Variants in CA10 observed in about 807,000 individuals in gnomAD.
The protein encoded by CA10 is carbonic anhydrase 10 (inactive), also known as carbonic anhydrase-related protein 10.
Under a neutral mutation model 44.2 loss-of-function variants are expected in CA10, and 14 were observed. The observed-to-expected ratio is 0.32, with a 90% CI of 0.21 to 0.50. CA10 has a LOEUF of 0.50. CA10 is among the 20% of genes least tolerant of loss of function. CA10 has a pLI of 0.99. For missense variants in CA10, 350 were observed against 409.7 expected (o/e 0.85, Z 1.26); for synonymous variants, 159 against 141.6 (o/e 1.12, Z -0.87).
chr17:51,864,916 T>C (rs1209835387), intron 3 of CA10, among the ~76,000 whole-genome samples: 5 of 152,260 alleles, frequency 3.3e-5, no homozygotes, highest in African/African-American at 1.2e-4. Flanking sequence ...AGGAGTGCAG[T>C]TTGGTTCAAC....
intron 4 of CA10, among the ~76,000 whole-genome samples, chr17:51,721,776 G>A (rs1283348024): frequency 6.6e-6 from 1 of 152,136 alleles, no homozygotes; most frequent in Non-Finnish European, 1.5e-5. Flanking sequence ...TGCTGAGACG[G>A]TGGTGCACCC....
rs202027420 is a variant in CA10 at position 51,674,268 on chromosome 17, G to T, written c.466-20532C>A. Among the ~76,000 whole-genome samples the T allele has an allele frequency of 1.1e-4, 17 of 152,282 alleles. No homozygotes were observed. In the East Asian group the frequency reaches 2.9e-3, roughly 26 times the overall value. ...CTTTGTTGATATAGATGATTTTTCT[G>T]AATTGATCCAACTGATTCCTTTCAC... On this transcript the variant is annotated intron_variant, in intron 4 of 8. Transcript: ENST00000451037.
chr17:51,886,292 TC>T (rs1296086053), intron 3 of CA10, among the ~76,000 whole-genome samples: 4 of 152,178 alleles, frequency 2.6e-5, no homozygotes, highest in African/African-American at 9.7e-5. Flanking sequence ...TATAAAAACT[TC>T]CTGGAGTAAC....
At chr17:51,898,719 A>G (rs1279287826) in intron 3 of CA10, among the ~76,000 whole-genome samples, 1 of 151,994 alleles carries the variant, frequency 6.6e-6, no homozygotes, top group Non-Finnish European at 1.5e-5. Context: ...TATTGATTCA[A>G]TTTCAGAACT....
At chr17:52,072,471 G>T (rs1018508952) in intron 1 of CA10, 78 bp from the exon 2 acceptor site, 11 of 1,012,974 alleles carry the variant, frequency 1.1e-5, no homozygotes, top group Middle Eastern at 2.1e-4. Context: ...TAAGAAGGGT[G>T]AATATCCATA....
chr17:52,019,922 G>A (rs960548740), intron 2 of CA10, among the ~76,000 whole-genome samples: 3 of 151,336 alleles, frequency 2.0e-5, no homozygotes, highest in African/African-American at 7.3e-5. Context: ...ATATATATAT[G>A]TATATGTATA....
intron 3 of CA10, among the ~76,000 whole-genome samples, chr17:51,823,949 T>A (rs981060587): frequency 2.0e-5 from 3 of 152,228 alleles, no homozygotes; most frequent in Non-Finnish European, 4.4e-5. Flanking sequence ...TCTGCTGCCA[T>A]CACTGTCACT....
intron 1 of CA10, among the ~76,000 whole-genome samples, chr17:52,128,939 T>C (rs1250929637): frequency 6.6e-6 from 1 of 152,214 alleles, no homozygotes; most frequent in African/African-American, 2.4e-5. Context: ...ACCCTACCCA[T>C]GACTAAGGCA....
At chr17:51,915,701 A>C (rs1469060691) in intron 3 of CA10, among the ~76,000 whole-genome samples, 3 of 152,164 alleles carry the variant, frequency 2.0e-5, no homozygotes, top group Non-Finnish European at 2.9e-5. Context: ...AATTCATCAC[A>C]AATCAGTATA....
intron 2 of CA10, among the ~76,000 whole-genome samples, chr17:51,990,267 C>T (rs1984993425): frequency 6.6e-6 from 1 of 152,096 alleles, no homozygotes; most frequent in African/African-American, 2.4e-5. Context: ...TACTCAAGAT[C>T]CCTGTTTTAT....
chr17:51,642,252 G>A lies in CA10; in HGVS notation c.635-6243C>T, dbSNP rs1020021603. ...ATTCTGTGAAAGCATTTCCAAAGCC[G>A]TTCCTTTGAAATGAAAGTACAAGTT... is the stretch of plus-strand genomic sequence containing the variant. On this transcript the variant is annotated intron_variant, in intron 6 of 8. Coordinates refer to ENST00000451037, the MANE Select transcript of CA10 (RefSeq NM_020178.5). Among the ~76,000 whole-genome samples, 12 of 152,144 alleles carry A rather than the reference G, an allele frequency of 7.9e-5. 1 individual carries two copies. Among genetic ancestry groups the A allele is most frequent in the Admixed American group, 2.0e-4 (3 of 15,266 alleles).
chr17:51,685,034 T>C (rs1463061542), intron 4 of CA10, among the ~76,000 whole-genome samples: 1 of 152,124 alleles, frequency 6.6e-6, no homozygotes, highest in Non-Finnish European at 1.5e-5. Flanking sequence ...AAAGGCAAAT[T>C]GTAGGATGTT....
intron 1 of CA10, among the ~76,000 whole-genome samples, chr17:52,113,165 T>C (rs1988821320): frequency 1.3e-5 from 2 of 152,192 alleles, no homozygotes; most frequent in South Asian, 4.1e-4. Flanking sequence ...AAACCTTGAA[T>C]TCCTAAGAGA....
At chr17:51,986,434 T>A (rs1984839227) in intron 2 of CA10, among the ~76,000 whole-genome samples, 1 of 151,996 alleles carries the variant, frequency 6.6e-6, no homozygotes, top group Non-Finnish European at 1.5e-5. Flanking sequence ...TCCTTGTAGA[T>A]GTTGGCTTAG....
chr17:52,016,428 T>G (rs987253855), intron 2 of CA10, among the ~76,000 whole-genome samples: 1 of 152,148 alleles, frequency 6.6e-6, no homozygotes, highest in African/African-American at 2.4e-5. Context: ...TTGCATTGAT[T>G]GCAAAAAGCT....
chr17:51,787,488 CT>C (rs928537348), intron 3 of CA10, among the ~76,000 whole-genome samples: 2 of 150,250 alleles, frequency 1.3e-5, no homozygotes, highest in Non-Finnish European at 3.0e-5. Context: ...TTCTATTTTT[CT>C]TTTTTTTCCT....
At chr17:52,088,210 T>C (rs1448173893) in intron 1 of CA10, among the ~76,000 whole-genome samples, 1 of 152,124 alleles carries the variant, frequency 6.6e-6, no homozygotes, top group Admixed American at 6.5e-5. Context: ...AACCTGCACA[T>C]GTACCCTTGA....
intron 2 of CA10, among the ~76,000 whole-genome samples, chr17:51,992,606 A>C (rs1325576011): frequency 6.6e-6 from 1 of 152,160 alleles, no homozygotes; most frequent in Non-Finnish European, 1.5e-5. Context: ...ACTTGACCAG[A>C]ATATGCAGGC....
intron 4 of CA10, among the ~76,000 whole-genome samples, chr17:51,741,691 C>A (rs1279239033): frequency 6.6e-6 from 1 of 152,200 alleles, no homozygotes; most frequent in Non-Finnish European, 1.5e-5. Flanking sequence ...AGGTGCATGG[C>A]ATGCAAAGAT....
Sources: allele counts gnomAD v4.1 joint callset (sites outside exome capture counted in the v4.1 genomes callset), GRCh38; gene constraint gnomAD v4.1.1; transcripts MANE v1.5; gene names NCBI Gene and HGNC (gene_info 2026-07-23, HGNC 2026-07-21).